The following UBE2F variants were observed in gnomAD, a reference collection of about 807,000 sequenced individuals.
UBE2F encodes ubiquitin conjugating enzyme E2 F (putative), also known as NEDD8-conjugating enzyme UBE2F.
UBE2F carries 5 observed loss-of-function variants against 29.6 expected under a neutral mutation model. The ratio of observed to expected loss-of-function variants is 0.17; its 90% CI spans 0.09 to 0.36. UBE2F has a LOEUF of 0.36. UBE2F is among the 10% of genes least tolerant of loss of function. The pLI is 1.00. For synonymous variants in UBE2F, 66 were observed against 81.8 expected, an observed-to-expected ratio of 0.81 and a Z score of 1.04; for missense variants, 141 against 228.5, an observed-to-expected ratio of 0.62 and a Z score of 2.47.
chr2:237,992,762 A>G (rs1213380824), intron 3 of UBE2F, among the ~76,000 whole-genome samples: 1 of 152,138 alleles, frequency 6.6e-6, no homozygotes, highest in Non-Finnish European at 1.5e-5. Context: ...TATGTCTCCT[A>G]ATTGAGGACG....
In UBE2F at chr2:238,040,363, C is replaced by T. The variant is rs1266629957; in HGVS notation, c.508-925C>T. Among the ~76,000 whole-genome samples, 2 of 152,234 alleles carry T rather than the reference C, an allele frequency of 1.3e-5. No homozygotes were observed. Among genetic ancestry groups the T allele is most frequent in the Non-Finnish European group, 2.9e-5 (2 of 68,040 alleles). On this transcript the variant is annotated intron_variant, in intron 9 of 9. Transcript: ENST00000272930. This position sits in a 1 kb window ranked among gnomAD's most constrained non-coding sequence, Gnocchi z 4.4. ...GGGATTATGCAGTGGAATCAGCAAA[C>T]AGGTTAGACTGAGGCTTAGACAGGA...
At chr2:237,993,314 C>T (rs530589639) in intron 3 of UBE2F, among the ~76,000 whole-genome samples, 11 of 152,202 alleles carry the variant, frequency 7.2e-5, no homozygotes, top group Admixed American at 3.3e-4. Context: ...TTCCATTTGC[C>T]GTGGTGACTG....
chr2:238,030,526 C>T (rs1421334452), intron 6 of UBE2F, 30 bp from the exon 7 acceptor site: 3 of 1,592,700 alleles, frequency 1.9e-6, no homozygotes, highest in Non-Finnish European at 2.6e-6. Context: ...GGCTGCTCCT[C>T]ACTAACCACT....
chr2:237,997,960 A>G (rs539648522), intron 4 of UBE2F, among the ~76,000 whole-genome samples: 16 of 152,344 alleles, frequency 1.1e-4, no homozygotes, highest in African/African-American at 3.6e-4. Flanking sequence ...TATCCCGTGG[A>G]GGCTTCTGTG....
intron 2 of UBE2F, among the ~76,000 whole-genome samples, 171 bp from the exon 3 acceptor site, chr2:237,987,792 A>G (rs1448126480): frequency 6.6e-6 from 1 of 151,650 alleles, no homozygotes; most frequent in Non-Finnish European, 1.5e-5. Context: ...CACTTTGTAT[A>G]TCGAAAGCAG....
At chr2:237,988,524 T>C (rs774201549) in intron 3 of UBE2F, among the ~76,000 whole-genome samples, 3 of 150,966 alleles carry the variant, frequency 2.0e-5, no homozygotes, top group African/African-American at 4.9e-5. Context: ...GCTAAGGCAT[T>C]AGAGTCGCTT....
chr2:238,002,622 G>GT (rs922862850), intron 4 of UBE2F, among the ~76,000 whole-genome samples: 1 of 151,424 alleles, frequency 6.6e-6, no homozygotes, highest in African/African-American at 2.4e-5. Flanking sequence ...TTGTTTTTTT[G>GT]TTTTTTTGAG....
chr2:237,994,605 G>A lies in UBE2F; in HGVS notation c.149-139G>A, dbSNP rs2106352663. ...TGGCACGATTATTATCAGACAAATA[G>A]GGAGGGAGATCTACCAACTTTCCAT... On this transcript the variant is annotated intron_variant, in intron 3 of 9. Transcript: ENST00000272930. 7.8e-6 allele frequency: 5 copies of A among 640,998 alleles called. No homozygotes were observed. In the South Asian group the frequency reaches 9.9e-5, roughly 13 times the overall value. The allele number at this position is 640,998 out of a possible 1,614,324, so 39.7% of individuals were successfully genotyped here.
chr2:237,971,647 C>CAA (rs1196913646), intron 1 of UBE2F, among the ~76,000 whole-genome samples: 1 of 152,158 alleles, frequency 6.6e-6, no homozygotes, highest in Non-Finnish European at 1.5e-5. Flanking sequence ...TGTCCTCAGT[C>CAA]AAAAGAAGTT....
chr2:237,991,609 C>CTTTCTTTTTTTTTTTTTT (rs57180067), intron 3 of UBE2F, among the ~76,000 whole-genome samples: 10,685 of 52,680 alleles, frequency 0.2, 2,605 homozygotes, highest in East Asian at 0.36. Context: ...TTCTTTCTTT[C>CTTTCTTTTTTTTTTTTTT]TTTTTTTTTT....
chr2:237,973,643 A>G lies in UBE2F; in HGVS notation c.118+418A>G, dbSNP rs1199383637. The G allele has an allele frequency of 3.1e-6, 4 of 1,299,146 alleles. No individual in the cohort carries two copies. The Admixed American group carries it at 9.2e-5, about 30-fold the overall frequency. The allele number at this position is 1,299,146 out of a possible 1,614,324, so 80.5% of individuals were successfully genotyped here. A position where few individuals can be genotyped will look rare whatever the true frequency, so the allele number is the denominator to read the frequency against. On this transcript the variant is annotated intron_variant, in intron 2 of 9. Coordinates refer to ENST00000272930, the MANE Select transcript of UBE2F (RefSeq NM_080678.3). ...ATCTCTTAGGATCTTTTCCTGTTTT[A>G]TTCAGGTCAAAGCCTACGGCGAATC...
chr2:237,999,108 A>G (rs572163268), intron 4 of UBE2F, among the ~76,000 whole-genome samples: 1 of 151,748 alleles, frequency 6.6e-6, no homozygotes, highest in South Asian at 2.1e-4. Flanking sequence ...TTTGAGACAG[A>G]GTCTCGCTCT....
At chr2:238,008,036 C>G (rs1042717980) in intron 4 of UBE2F, among the ~76,000 whole-genome samples, 4 of 152,144 alleles carry the variant, frequency 2.6e-5, no homozygotes, top group Admixed American at 6.5e-5. Flanking sequence ...TCACTGCAGC[C>G]TCAACATCCT....
chr2:238,002,221 C>T (rs1325473234), intron 4 of UBE2F, among the ~76,000 whole-genome samples: 1 of 96,950 alleles, frequency 1.0e-5, no homozygotes, highest in East Asian at 3.6e-4. Flanking sequence ...TGCGCCACCA[C>T]ACCCAGATAA....
At chr2:238,039,033 G>A (rs993975507) in intron 9 of UBE2F, among the ~76,000 whole-genome samples, 6 of 152,182 alleles carry the variant, frequency 3.9e-5, no homozygotes, top group Non-Finnish European at 8.8e-5. Context: ...TCAGGAGTTC[G>A]AGACCAGCCT....
At chr2:238,039,477 G>A (rs1218624933) in intron 9 of UBE2F, among the ~76,000 whole-genome samples, 1 of 152,206 alleles carries the variant, frequency 6.6e-6, no homozygotes, top group Non-Finnish European at 1.5e-5. Context: ...ACGCTTCCAT[G>A]CACTTGACAC....
chr2:237,994,919 CATT>C, intron 4 of UBE2F, 110 bp downstream of exon 4: 1 of 762,976 alleles, frequency 1.3e-6, no homozygotes, highest in Non-Finnish European at 2.2e-6. Context: ...AAGATTAACA[CATT>C]AATAACAATT....
At chr2:238,001,233 A>C (rs1016237437) in intron 4 of UBE2F, among the ~76,000 whole-genome samples, 5 of 151,826 alleles carry the variant, frequency 3.3e-5, no homozygotes, top group African/African-American at 1.2e-4. Flanking sequence ...AGGTTTCTCC[A>C]TGTTGGTCAG....
intron 4 of UBE2F, chr2:238,003,257 G>T: frequency 2.8e-6 from 1 of 361,634 alleles, no homozygotes; most frequent in Non-Finnish European, 5.9e-6. Flanking sequence ...ATTTTCTTGC[G>T]ATGTAGAATA....
Sources: allele counts gnomAD v4.1 joint callset (sites outside exome capture counted in the v4.1 genomes callset), GRCh38; gene constraint gnomAD v4.1.1; non-coding constraint Gnocchi (gnomAD v3.1); transcripts MANE v1.5; gene names NCBI Gene and HGNC (gene_info 2026-07-23, HGNC 2026-07-21).